SCLY: variants seen among roughly 807,000 people sequenced by gnomAD.
SCLY encodes the protein putative selenocysteine lyase.
A neutral mutation model predicts 50.1 loss-of-function variants in SCLY; 38 were observed. That is an observed-to-expected ratio of 0.76 (90% CI 0.59 to 0.99). The LOEUF is 0.99. Among genes scored for constraint, SCLY ranks in the 50% least tolerant of loss-of-function variants. The probability of loss-of-function intolerance (pLI) is 0.00; values close to 1 mark genes in which losing one functional copy is unlikely to be tolerated. For synonymous variants in SCLY, 243 were observed against 249.4 expected, an observed-to-expected ratio of 0.97 and a Z score of 0.24; for missense variants, 600 against 620.0, an observed-to-expected ratio of 0.97 and a Z score of 0.34.
intron 2 of SCLY, 159 bp downstream of exon 2, chr2:238,064,628 G>T (rs903881490): frequency 6.0e-6 from 3 of 496,886 alleles, no homozygotes; most frequent in Admixed American, 4.0e-5. Context: ...TTCTGGGAAG[G>T]CCCCATTTGT....
At chr2:238,085,845 C>T (rs2065292134) in intron 7 of SCLY, among the ~76,000 whole-genome samples, 1 of 152,140 alleles carries the variant, frequency 6.6e-6, no homozygotes, top group Non-Finnish European at 1.5e-5. Flanking sequence ...TGAAAAAGTG[C>T]TTGAAGAAAT....
chr2:238,093,863 C>G lies in SCLY; in HGVS notation c.924C>G (p.Ala308=). 6.2e-7 allele frequency: 1 copy of G among 1,613,598 alleles called. No homozygotes were observed. Among genetic ancestry groups the G allele is most frequent in the Non-Finnish European group, 8.5e-7 (1 of 1,179,848 alleles). The change falls in exon 9 of 12, where the codon GCC becomes GCG. Residue 308 remains alanine, a splice_region_variant and synonymous_variant. Coordinates refer to ENST00000254663, the MANE Select transcript of SCLY (RefSeq NM_016510.7). ...NTPMIAGLGK[A]AELVTQNCEA... ...ACTTGTTGTGTGTCTGCCCCCAGGCCGCGGAGCTGGTGACCCAGAACTGCG... is the reference window on the plus strand; with the variant it reads ...ACTTGTTGTGTGTCTGCCCCCAGGCGGCGGAGCTGGTGACCCAGAACTGCG...
chr2:238,091,543 G>A, intron 8 of SCLY: 7 of 328,594 alleles, frequency 2.1e-5, no homozygotes, highest in South Asian at 9.1e-5. Context: ...TCAAGCTGCA[G>A]GTTCACCATT....
intron 1 of SCLY, among the ~76,000 whole-genome samples, chr2:238,061,731 G>C (rs999359761): frequency 4.6e-5 from 7 of 152,126 alleles, no homozygotes; most frequent in Non-Finnish European, 1.0e-4. Flanking sequence ...CACTGGGGCA[G>C]GTGAAAGGGA....
intron 8 of SCLY, chr2:238,091,528 AAG>A: frequency 4.1e-5 from 19 of 466,710 alleles, no homozygotes; most frequent in South Asian, 1.1e-4. Context: ...AGCAGAGGTG[AAG>A]TGTCAAGCTG....
At chr2:238,064,834 C>T (rs2065053619) in intron 2 of SCLY, 1 of 155,318 alleles carries the variant, frequency 6.4e-6, no homozygotes, top group South Asian at 2.0e-4. Flanking sequence ...TTTAGGTCAT[C>T]AGGATAACAT....
chr2:238,067,895 C>T lies in SCLY; in HGVS notation c.203-170C>T, dbSNP rs893930772. ...GCTGCTGTCTCGGCCGCCCCTTTGC[C>T]GGGTTGTGTCTAGGTTGTAGCATTT... is the stretch of plus-strand genomic sequence containing the variant. On this transcript the variant is annotated intron_variant, in intron 2 of 11. Transcript: ENST00000254663. The surrounding 1 kb of genome is among the most constrained non-coding windows in gnomAD (Gnocchi z 4.3). 6.6e-6 allele frequency among the ~76,000 whole-genome samples: 1 copy of T among 152,174 alleles called. No individual in the cohort carries two copies. The highest frequency in any genetic ancestry group is 6.5e-5 in the Admixed American group (1 of 15,278).
At chr2:238,088,216 C>A (rs2065321094) in intron 7 of SCLY, among the ~76,000 whole-genome samples, 1 of 152,194 alleles carries the variant, frequency 6.6e-6, no homozygotes, top group Non-Finnish European at 1.5e-5. Context: ...AATCCCAGAA[C>A]TTTGGGAGGC....
chr2:238,072,788 T>G (rs1367632962), intron 4 of SCLY, among the ~76,000 whole-genome samples: 2 of 152,234 alleles, frequency 1.3e-5, no homozygotes, highest in African/African-American at 4.8e-5. Context: ...AAGTCCCTTG[T>G]CAGATAGATG....
intron 5 of SCLY, 41 bp from the exon 6 acceptor site, chr2:238,082,004 A>C: frequency 6.3e-7 from 1 of 1,594,122 alleles, no homozygotes; most frequent in Non-Finnish European, 8.6e-7. Flanking sequence ...AGTTTTCATC[A>C]GATCGGAGCA....
At chr2:238,084,168 G>A (rs879600682) in intron 7 of SCLY, among the ~76,000 whole-genome samples, 5 of 152,206 alleles carry the variant, frequency 3.3e-5, no homozygotes, top group Admixed American at 2.0e-4. Context: ...GTGTCAAGAA[G>A]GCCAGGTAGA....
chr2:238,081,445 G>A (rs201169204), intron 4 of SCLY: 14 of 393,378 alleles, frequency 3.6e-5, no homozygotes, highest in East Asian at 2.3e-4. Context: ...TTCCTCTTCC[G>A]TCTCCGTAGA....
At position 238,069,235 on chromosome 2, in the gene SCLY, G is replaced by A. The variant is rs557503566; in HGVS notation, c.304-62G>A. The A allele has an allele frequency of 5.5e-6, 8 of 1,442,718 alleles. No individual in the cohort carries two copies. The highest frequency in any genetic ancestry group is 2.4e-5 in the East Asian group (1 of 41,252). 89.4% of individuals were successfully genotyped at this position (1,442,718 alleles called of 1,614,324 possible). On this transcript the variant is annotated intron_variant, in intron 3 of 11. Transcript: ENST00000254663. This position sits in a 1 kb window ranked among gnomAD's most constrained non-coding sequence, Gnocchi z 5.0. ...CAAAAGAAATTAAGTAACAGAAATT[G>A]TTGCTCTGACCCTTACCTCAGCACA...
intron 4 of SCLY, chr2:238,073,791 A>C (rs376911019): frequency 2.1e-6 from 1 of 465,156 alleles, no homozygotes. Flanking sequence ...AGCCTACTCA[A>C]TGTGAAGATG....
chr2:238,098,523 C>G lies in SCLY; in HGVS notation c.*168C>G. On this transcript the variant is annotated 3_prime_UTR_variant, in exon 12 of 12. Transcript: ENST00000254663. ...GCACCCCCAGTTTCCTTCCCTGGAC[C>G]CCTGCAGAGCTCACAGGGCCCAGGA... is the stretch of plus-strand genomic sequence containing the variant. The G allele has an allele frequency of 1.4e-6, 1 of 711,536 alleles. No individual in the cohort carries two copies. The highest frequency in any genetic ancestry group is 2.1e-5 in the South Asian group (1 of 47,488). The allele number at this position is 711,536 out of a possible 1,614,324, so 44.1% of individuals were successfully genotyped here. A position where few individuals can be genotyped will look rare whatever the true frequency, so the allele number is the denominator to read the frequency against.
At chr2:238,084,590 C>CACAAA (rs2065270881) in intron 7 of SCLY, among the ~76,000 whole-genome samples, 1 of 44,692 alleles carries the variant, frequency 2.2e-5, no homozygotes, top group Admixed American at 4.1e-4. Flanking sequence ...GACTCTGTCT[C>CACAAA]AAAAAAAAAA....
chr2:238,081,323 C>T (rs1391968900), intron 4 of SCLY: 1 of 175,068 alleles, frequency 5.7e-6, no homozygotes, highest in Non-Finnish European at 1.2e-5. Flanking sequence ...CAGTCAGCGC[C>T]TGGCGCGTAG....
chr2:238,084,415 AC>A (rs1317119592), intron 7 of SCLY, among the ~76,000 whole-genome samples: 2 of 135,580 alleles, frequency 1.5e-5, no homozygotes, highest in Non-Finnish European at 3.3e-5. Flanking sequence ...AGATGGTAAA[AC>A]CTTATCTCTA....
At chr2:238,081,121 C>T (rs2065232485) in intron 4 of SCLY, 1 of 152,516 alleles carries the variant, frequency 6.6e-6, no homozygotes, top group Non-Finnish European at 1.5e-5. Context: ...GCCAGATACC[C>T]TTTGTTGGTG....
Sources: gnomAD v4.1 joint callset for allele counts (sites outside exome capture counted in the v4.1 genomes callset) on GRCh38, gnomAD v4.1.1 for gene constraint, Gnocchi (gnomAD v3.1) non-coding constraint, MANE v1.5 for transcripts, NCBI Gene and HGNC (gene_info 2026-07-23, HGNC 2026-07-21) for gene names.